FBXO11: variants seen among roughly 807,000 people sequenced by gnomAD.
The protein encoded by FBXO11 is F-box only protein 11.
FBXO11 carries 13 observed loss-of-function variants against 117.0 expected under a neutral mutation model. The ratio of observed to expected loss-of-function variants is 0.11; its 90% CI spans 0.07 to 0.18. The LOEUF is 0.18. Among genes scored for constraint, FBXO11 ranks in the 10% least tolerant of loss-of-function variants. The pLI, the probability that FBXO11 is intolerant of heterozygous loss-of-function variation, is 1.00. For missense variants in FBXO11, 767 were observed against 1,164.4 expected, an observed-to-expected ratio of 0.66 and a Z score of 4.97; for synonymous variants, 490 against 380.5, an observed-to-expected ratio of 1.29 and a Z score of -3.35.
intron 1 of FBXO11, among the ~76,000 whole-genome samples, chr2:47,903,702 C>G (rs1678498628): frequency 6.6e-6 from 1 of 152,214 alleles, no homozygotes. Context: ...ATTACCACAT[C>G]TTGAAAAAGC....
At chr2:47,857,013 G>C (rs1172122709) in intron 1 of FBXO11, among the ~76,000 whole-genome samples, 1 of 152,176 alleles carries the variant, frequency 6.6e-6, no homozygotes, top group African/African-American at 2.4e-5. Context: ...GTTTAAATGT[G>C]ATAATGGGAT....
At chr2:47,867,535 T>C (rs888775616) in intron 1 of FBXO11, among the ~76,000 whole-genome samples, 1 of 152,228 alleles carries the variant, frequency 6.6e-6, no homozygotes, top group Non-Finnish European at 1.5e-5. Flanking sequence ...GCAGTATAAA[T>C]GATTACTGTA....
intron 1 of FBXO11, among the ~76,000 whole-genome samples, chr2:47,901,054 CATATATATGTAT>C (rs1194573242): frequency 9.1e-6 from 1 of 109,786 alleles, no homozygotes; most frequent in African/African-American, 3.0e-5. Flanking sequence ...CATATATACA[CATATATATGTAT>C]ATATATACAC....
intron 1 of FBXO11, among the ~76,000 whole-genome samples, chr2:47,894,405 A>G (rs941282058): frequency 1.3e-5 from 2 of 152,234 alleles, no homozygotes; most frequent in African/African-American, 4.8e-5. Context: ...CATAAGAGTT[A>G]AAGAGATAAA....
chr2:47,871,902 T>C (rs1470320974), intron 1 of FBXO11, among the ~76,000 whole-genome samples: 1 of 152,234 alleles, frequency 6.6e-6, no homozygotes, highest in Non-Finnish European at 1.5e-5. Context: ...CTGTCAACAT[T>C]TCTATACGTT....
At chr2:47,882,500 G>C (rs995454466) in intron 1 of FBXO11, among the ~76,000 whole-genome samples, 3 of 152,020 alleles carry the variant, frequency 2.0e-5, no homozygotes, top group African/African-American at 7.2e-5. Flanking sequence ...TTCTTCTATA[G>C]GGGTTTCAAT....
At chr2:47,850,489 A>G (rs923916418) in intron 1 of FBXO11, among the ~76,000 whole-genome samples, 1 of 152,234 alleles carries the variant, frequency 6.6e-6, no homozygotes, top group South Asian at 2.1e-4. Flanking sequence ...TAATGTACAT[A>G]TGGTACAATA....
chr2:47,826,674 C>T (rs1486400267), intron 11 of FBXO11, among the ~76,000 whole-genome samples: 1 of 151,496 alleles, frequency 6.6e-6, no homozygotes, highest in Non-Finnish European at 1.5e-5. Flanking sequence ...GACTTCTTTG[C>T]TGCACAATTT....
At chr2:47,829,205 TTA>T (rs1263119804) in intron 11 of FBXO11, among the ~76,000 whole-genome samples, 3 of 151,816 alleles carry the variant, frequency 2.0e-5, no homozygotes, top group South Asian at 2.1e-4. Flanking sequence ...TCAAAAAATT[TTA>T]TAGTTATTTG....
Position 47,906,319 on chromosome 2 carries a change from C to T in FBXO11, c.-599G>A, listed in dbSNP as rs908092691. On this transcript the variant is annotated 5_prime_UTR_variant, in exon 1 of 23. Coordinates refer to ENST00000403359, the MANE Select transcript of FBXO11 (RefSeq NM_001190274.2). ...GTCTCTTCTCTCTCCTCCCCCCCTTCTCTCCTCGGCGAAGGGGAAATGAGT... is the reference window on the plus strand; with the variant it reads ...GTCTCTTCTCTCTCCTCCCCCCCTTTTCTCCTCGGCGAAGGGGAAATGAGT... 5.3e-5 allele frequency among the ~76,000 whole-genome samples: 8 copies of T among 152,146 alleles called. No individual in the cohort carries two copies. The highest frequency in any genetic ancestry group is 1.9e-4 in the African/African-American group (8 of 41,418).
chr2:47,850,348 C>G (rs1673763681), intron 1 of FBXO11, among the ~76,000 whole-genome samples: 1 of 152,120 alleles, frequency 6.6e-6, no homozygotes, highest in East Asian at 1.9e-4. Context: ...CAACATAAAA[C>G]TAAATATGTA....
At chr2:47,870,940 C>T (rs549535596) in intron 1 of FBXO11, among the ~76,000 whole-genome samples, 11 of 152,192 alleles carry the variant, frequency 7.2e-5, no homozygotes, top group African/African-American at 1.9e-4. Context: ...ATAGGACATG[C>T]ACATACTACT....
chr2:47,849,149 T>A (rs60118201), intron 1 of FBXO11, among the ~76,000 whole-genome samples: 1 of 144,034 alleles, frequency 6.9e-6, no homozygotes, highest in Non-Finnish European at 1.5e-5. Context: ...AGCTTTTCTC[T>A]AACTGCTAAA....
At chr2:47,825,559 TTTC>T (rs1384707683) in intron 11 of FBXO11, among the ~76,000 whole-genome samples, 75 of 151,232 alleles carry the variant, frequency 5.0e-4, no homozygotes, top group South Asian at 8.3e-4. Flanking sequence ...TGGTGGATTT[TTTC>T]TTCTTCTTCT....
At chr2:47,819,114 T>A (rs773943511) in intron 14 of FBXO11, 36 bp from the exon 15 acceptor site, 1 of 1,601,034 alleles carries the variant, frequency 6.2e-7, no homozygotes. Flanking sequence ...ATATTTATCT[T>A]CTATAAGCAA....
At position 47,807,058 on chromosome 2, in the gene FBXO11, T is replaced by C. The variant is rs1362780440; in HGVS notation, c.*1060A>G. ...CACAATATATTAAGTCTAGATGTTA[T>C]GGTACATGCATACACTTTCAGGCTG... is the stretch of plus-strand genomic sequence containing the variant. On this transcript the variant is annotated 3_prime_UTR_variant, in exon 23 of 23. Coordinates refer to ENST00000403359, the MANE Select transcript of FBXO11 (RefSeq NM_001190274.2). 5 of 588,528 alleles carry C rather than the reference T, an allele frequency of 8.5e-6. No individual in the cohort carries two copies. The highest frequency in any genetic ancestry group is 1.9e-5 in the African/African-American group (1 of 53,644). 36.5% of individuals were successfully genotyped at this position (588,528 alleles called of 1,614,324 possible).
intron 18 of FBXO11, 152 bp from the exon 19 acceptor site, chr2:47,810,578 T>A: frequency 1.8e-6 from 1 of 545,072 alleles, no homozygotes. Context: ...TTATTAGCAA[T>A]TCAGAGGTAT....
intron 17 of FBXO11, 48 bp from the exon 18 acceptor site, chr2:47,813,425 A>ATTTTTTTTTTTATTTTTTTTT (rs1670764795): frequency 3.1e-6 from 1 of 327,430 alleles, no homozygotes; most frequent in Admixed American, 8.5e-5. Flanking sequence ...TTTCTTTTTA[A>ATTTTTTTTTTTATTTTTTTTT]TTTTTTTTTT....
At chr2:47,840,626 A>G (rs1433131179) in intron 1 of FBXO11, among the ~76,000 whole-genome samples, 1 of 150,904 alleles carries the variant, frequency 6.6e-6, no homozygotes, top group Non-Finnish European at 1.5e-5. Flanking sequence ...CTAAAAAACA[A>G]TTTTTTTTGG....
Sources: gnomAD v4.1 joint callset for allele counts (sites outside exome capture counted in the v4.1 genomes callset) on GRCh38, gnomAD v4.1.1 for gene constraint, MANE v1.5 for transcripts, NCBI Gene and HGNC (gene_info 2026-07-23, HGNC 2026-07-21) for gene names.